The following PHF12 variants were observed in gnomAD, a reference collection of about 807,000 sequenced individuals.
PHF12 encodes PHD factor 1.
PHF12 carries 6 observed loss-of-function variants against 99.8 expected under a neutral mutation model. The ratio of observed to expected loss-of-function variants is 0.06; its 90% CI spans 0.03 to 0.12. The LOEUF is 0.12. Ranked by LOEUF, PHF12 falls within the 10% of genes least tolerant of loss-of-function variation. The pLI is 1.00. For missense variants in PHF12, 954 were observed against 1,300.1 expected (o/e 0.73, Z 4.09); for synonymous variants, 480 against 514.9 (o/e 0.93, Z 0.92).
chr17:28,910,152 A>G (rs755046467), intron 11 of PHF12, 74 bp downstream of exon 11: 20 of 1,600,358 alleles, frequency 1.2e-5, no homozygotes, highest in Non-Finnish European at 1.0e-5. Context: ...CAGATTCTCC[A>G]TGGAGGCAAG....
intron 2 of PHF12, among the ~76,000 whole-genome samples, chr17:28,935,335 G>A (rs4795477): frequency 0.066 from 10,040 of 152,146 alleles, 468 homozygotes; most frequent in South Asian, 0.17. Flanking sequence ...GCAGTGGTGC[G>A]ATCTCAGCTC....
intron 3 of PHF12, 27 bp from the exon 4 acceptor site, chr17:28,924,329 C>T: frequency 6.2e-7 from 1 of 1,613,944 alleles, no homozygotes. Flanking sequence ...GTGGGCCCAT[C>T]ATGAAAAGTA....
intron 10 of PHF12, chr17:28,910,659 T>A (rs2039944093): frequency 2.1e-6 from 1 of 478,332 alleles, no homozygotes; most frequent in Non-Finnish European, 3.7e-6. Flanking sequence ...CACTTGCCTG[T>A]CTGTGGGGGA....
At chr17:28,927,778 T>A (rs182450724) in intron 2 of PHF12, 1 of 152,386 alleles carries the variant, frequency 6.6e-6, no homozygotes, top group East Asian at 1.9e-4. Flanking sequence ...CCTGCTGTCA[T>A]GCTATGAGAG....
intron 9 of PHF12, among the ~76,000 whole-genome samples, chr17:28,911,869 C>T (rs1346773025): frequency 2.0e-5 from 3 of 152,244 alleles, no homozygotes; most frequent in Non-Finnish European, 4.4e-5. Flanking sequence ...AGCAGGTCCA[C>T]AGTAGGCCAA....
intron 12 of PHF12, 93 bp downstream of exon 12, chr17:28,908,690 T>G: frequency 7.8e-7 from 1 of 1,274,016 alleles, no homozygotes; most frequent in Non-Finnish European, 1.1e-6. Flanking sequence ...TGGAAAGGGC[T>G]TCCCTCACCC....
intron 9 of PHF12, 29 bp from the exon 10 acceptor site, chr17:28,911,266 TACGTC>T: frequency 6.2e-7 from 1 of 1,613,102 alleles, no homozygotes; most frequent in Non-Finnish European, 8.5e-7. Flanking sequence ...GACTGTTACT[TACGTC>T]GCCTGAGGGA....
At position 28,910,388 on chromosome 17, in the gene PHF12, G is replaced by GATTAT; in HGVS notation, c.2216-20_2216-19insATAAT. On this transcript the variant is annotated intron_variant, in intron 10 of 14. Transcript: ENST00000332830. ...TCGATTTCTATTAGCCAAAGAGAAA[G>GATTAT]ATTAAAAAGCAGCTGAGATGGGAAG... The GATTAT allele has an allele frequency of 2.5e-6, 4 of 1,598,670 alleles. No homozygotes were observed. Among genetic ancestry groups the GATTAT allele is most frequent in the Non-Finnish European group, 3.4e-6 (4 of 1,170,096 alleles).
chr17:28,943,343 C>T (rs1238762619), intron 2 of PHF12, among the ~76,000 whole-genome samples: 1 of 152,060 alleles, frequency 6.6e-6, no homozygotes, highest in Non-Finnish European at 1.5e-5. Context: ...TAAAAACTTG[C>T]ACCCTGGCTG....
chr17:28,908,266 G>C (rs1178588481), intron 12 of PHF12: 1 of 162,856 alleles, frequency 6.1e-6, no homozygotes, highest in Non-Finnish European at 1.4e-5. Context: ...CATCTCTGCT[G>C]TTGCAACACT....
intron 10 of PHF12, 128 bp from the exon 11 acceptor site, chr17:28,910,497 ATT>A: frequency 3.5e-6 from 4 of 1,143,332 alleles, no homozygotes; most frequent in Non-Finnish European, 4.9e-6. Context: ...CTCAAACAGC[ATT>A]GAGTGCAGAG....
intron 2 of PHF12, among the ~76,000 whole-genome samples, chr17:28,947,676 C>T (rs937025282): frequency 1.3e-5 from 2 of 152,202 alleles, no homozygotes; most frequent in African/African-American, 4.8e-5. Flanking sequence ...ATAAGCCTCA[C>T]TAAATGAAAT....
chr17:28,910,590 TGTA>T, intron 10 of PHF12: 2 of 594,776 alleles, frequency 3.4e-6, no homozygotes, highest in East Asian at 5.8e-5. Flanking sequence ...AGCTGCCTCC[TGTA>T]GTTGGGTGGA....
At position 28,951,135 on chromosome 17, in the gene PHF12, A is replaced by G. The variant is rs62068967; in HGVS notation, c.-175T>C. 3.5e-3 allele frequency: 5,065 copies of G among 1,430,802 alleles called. 16 individuals are homozygous for G. The highest frequency in any genetic ancestry group is 4.3e-3 in the Non-Finnish European group (4,671 of 1,095,486). The allele number at this position is 1,430,802 out of a possible 1,614,324, so 88.6% of individuals were successfully genotyped here. Reference sequence around the variant, plus strand: ...CCCGGCCCCCAGTCCCCGGGACGACAGCGTCCTCCCGACGGGCCGCGAGGG... The same window carrying G: ...CCCGGCCCCCAGTCCCCGGGACGACGGCGTCCTCCCGACGGGCCGCGAGGG... On this transcript the variant is annotated 5_prime_UTR_variant, in exon 1 of 15. Coordinates refer to ENST00000332830, the MANE Select transcript of PHF12 (RefSeq NM_001033561.2).
intron 7 of PHF12, among the ~76,000 whole-genome samples, chr17:28,914,431 G>A (rs1598123958): frequency 6.6e-6 from 1 of 152,086 alleles, no homozygotes; most frequent in Admixed American, 6.6e-5. Context: ...CCAGCACTTT[G>A]GGAGGCCGAG....
At chr17:28,934,089 T>C (rs745384068) in intron 2 of PHF12, among the ~76,000 whole-genome samples, 25 of 152,252 alleles carry the variant, frequency 1.6e-4, no homozygotes, top group Non-Finnish European at 3.5e-4. Flanking sequence ...AAATCATCCA[T>C]CCACTCAAAA....
At chr17:28,947,001 T>C (rs1202976398) in intron 2 of PHF12, among the ~76,000 whole-genome samples, 2 of 152,192 alleles carry the variant, frequency 1.3e-5, no homozygotes, top group South Asian at 4.2e-4. Context: ...TTTTTTCTCC[T>C]GAGATGGGGT....
intron 9 of PHF12, among the ~76,000 whole-genome samples, chr17:28,911,880 G>C (rs1001156190): frequency 1.1e-4 from 16 of 152,254 alleles, no homozygotes; most frequent in South Asian, 2.1e-4. Context: ...AGTAGGCCAA[G>C]TACAGACCTG....
chr17:28,918,342 G>A (rs2040098017), intron 6 of PHF12, among the ~76,000 whole-genome samples: 1 of 152,088 alleles, frequency 6.6e-6, no homozygotes, highest in South Asian at 2.1e-4. Flanking sequence ...AGAGAAACAA[G>A]GAAGCAAAAC....
Sources: allele counts gnomAD v4.1 joint callset (sites outside exome capture counted in the v4.1 genomes callset), GRCh38; gene constraint gnomAD v4.1.1; transcripts MANE v1.5; gene names NCBI Gene and HGNC (gene_info 2026-07-23, HGNC 2026-07-21).